KLHL25: variants seen among roughly 807,000 people sequenced by gnomAD.
KLHL25 encodes kelch like family member 25.
Under a neutral mutation model 30.0 loss-of-function variants are expected in KLHL25, and 41 were observed. The observed-to-expected ratio is 1.37, with a 90% CI of 1.07 to 1.78. The LOEUF (loss-of-function observed/expected upper bound fraction) is 1.78. KLHL25 is among the 40% of genes most tolerant of loss of function. The pLI, the probability that KLHL25 is intolerant of heterozygous loss-of-function variation, is 0.00. For synonymous variants in KLHL25, 399 were observed against 355.3 expected (o/e 1.12, Z -1.38); for missense variants, 971 against 824.5 (o/e 1.18, Z -2.18).
intron 2 of KLHL25, among the ~76,000 whole-genome samples, chr15:85,766,860 A>T (rs1208176353): frequency 3.3e-5 from 5 of 152,328 alleles, no homozygotes; most frequent in African/African-American, 1.2e-4. Flanking sequence ...TGGTGAGCAC[A>T]CAGCTGCCCC....
In KLHL25 at chr15:85,768,321, A is replaced by G. The variant is rs1225074802; in HGVS notation, c.1490T>C (p.Met497Thr). 1.9e-6 allele frequency: 3 copies of G among 1,613,758 alleles called. No individual in the cohort carries two copies. The highest frequency in any genetic ancestry group is 2.7e-5 in the African/African-American group (2 of 74,896). Residue 497 changes from methionine to threonine, a missense_variant, in exon 2 of 3, where the codon ATG becomes ACG. By Grantham distance (81) the Met-to-Thr change is moderately conservative (BLOSUM62 -1). Coordinates refer to ENST00000337975, the MANE Select transcript of KLHL25 (RefSeq NM_022480.4). Reference protein sequence around the residue: ...AAVLGSQIFIMGGDTEFTAAS... With the variant: ...AAVLGSQIFITGGDTEFTAAS... ...GGCTGTGAATTCCGTGTCACCTCCC[A>G]TGATGAAGATCTGGCTGCCCAGGAC...
At chr15:85,792,782 C>T (rs1030639427) in intron 1 of KLHL25, among the ~76,000 whole-genome samples, 2 of 152,224 alleles carry the variant, frequency 1.3e-5, no homozygotes, top group Admixed American at 1.3e-4. Flanking sequence ...CGATGACATG[C>T]CTTTCTCATC....
rs760686218 is a variant in KLHL25 at position 85,768,956 on chromosome 15, G to C, written c.855C>G (p.Ser285Arg). ...CCGCCTTGCGTGGCCGGGCACAGGG[G>C]CTGGTGACCACGCCATCATTCTGCA... ...RILQNDGVVT[S>R]PCARPRKAGH... is the part of the protein sequence containing the mutation. Residue 285 changes from serine (S) to arginine (R), a missense_variant, in exon 2 of 3, where the codon AGC becomes AGG. Coordinates refer to ENST00000337975, the MANE Select transcript of KLHL25 (RefSeq NM_022480.4). 1.2e-6 allele frequency: 2 copies of C among 1,613,216 alleles called. No individual in the cohort carries two copies. The highest frequency in any genetic ancestry group is 2.2e-5 in the South Asian group (2 of 91,086).
Position 85,768,302 on chromosome 15 carries a change from G to GA in KLHL25, c.1508dup (p.Thr504HisfsTer9). The GA allele has an allele frequency of 6.2e-7, 1 of 1,614,030 alleles. No individual in the cohort carries two copies. The highest frequency in any genetic ancestry group is 8.5e-7 in the Non-Finnish European group (1 of 1,180,042). ...CAAAGCGGTAGGCCGAGGCGGCTGT[G>GA]AATTCCGTGTCACCTCCCATGATGA... On this transcript the variant is annotated frameshift_variant, in exon 2 of 3. Transcript: ENST00000337975. LOFTEE classifies it high-confidence loss of function.
chr15:85,788,526 A>C (rs927434325), intron 1 of KLHL25, among the ~76,000 whole-genome samples: 1 of 152,104 alleles, frequency 6.6e-6, no homozygotes, highest in African/African-American at 2.4e-5. Context: ...TGGGGGAAAA[A>C]AATTCCCTGG....
chr15:85,765,660 A>G (rs1050537170), intron 2 of KLHL25, among the ~76,000 whole-genome samples: 18 of 150,374 alleles, frequency 1.2e-4, no homozygotes, highest in Middle Eastern at 3.4e-3. Context: ...AGAAGAAAAC[A>G]GAAAAGCTGT....
intron 1 of KLHL25, among the ~76,000 whole-genome samples, chr15:85,785,023 C>T (rs1416675826): frequency 3.3e-5 from 5 of 152,084 alleles, no homozygotes; most frequent in African/African-American, 4.8e-5. Flanking sequence ...CAGAAGACAA[C>T]TCACGCTTTC....
At chr15:85,775,286 T>C (rs1048160501) in intron 1 of KLHL25, among the ~76,000 whole-genome samples, 1 of 152,172 alleles carries the variant, frequency 6.6e-6, no homozygotes, top group Non-Finnish European at 1.5e-5. Flanking sequence ...TTGGGCTTTT[T>C]GACAGATGTG....
At chr15:85,772,123 G>A (rs1265787727) in intron 1 of KLHL25, among the ~76,000 whole-genome samples, 2 of 152,148 alleles carry the variant, frequency 1.3e-5, no homozygotes, top group African/African-American at 2.4e-5. Context: ...GTCCCCTCCT[G>A]CCCCACCCCA....
chr15:85,786,914 G>T lies in KLHL25; in HGVS notation c.-11+7852C>A, dbSNP rs112539985. 4.6e-5 allele frequency among the ~76,000 whole-genome samples: 7 copies of T among 152,180 alleles called. No individual in the cohort carries two copies. The East Asian group carries it at 5.8e-4, about 13-fold the overall frequency. Reference sequence around the variant, plus strand: ...CATGCAAAAAATACAGCAGCCTAGTGGGGGGCAGGGGCGGGCAGGGATTAA... The same window carrying T: ...CATGCAAAAAATACAGCAGCCTAGTTGGGGGCAGGGGCGGGCAGGGATTAA... On this transcript the variant is annotated intron_variant, in intron 1 of 2. Coordinates refer to ENST00000337975, the MANE Select transcript of KLHL25 (RefSeq NM_022480.4).
At chr15:85,782,443 T>G (rs2089749731) in intron 1 of KLHL25, among the ~76,000 whole-genome samples, 1 of 151,890 alleles carries the variant, frequency 6.6e-6, no homozygotes, top group Non-Finnish European at 1.5e-5. Flanking sequence ...ACATCCAAGC[T>G]GTGTTCAATC....
chr15:85,764,260 G>A (rs749292478), intron 2 of KLHL25: 1 of 152,564 alleles, frequency 6.6e-6, no homozygotes, highest in Middle Eastern at 3.4e-3. Flanking sequence ...GCAGAAGCTG[G>A]ACAGGAGGAG....
chr15:85,786,993 G>A (rs1424909911), intron 1 of KLHL25, among the ~76,000 whole-genome samples: 2 of 152,096 alleles, frequency 1.3e-5, no homozygotes, highest in Non-Finnish European at 2.9e-5. Flanking sequence ...CCAATAAGAG[G>A]CAGAACCAGC....
intron 1 of KLHL25, among the ~76,000 whole-genome samples, chr15:85,776,892 T>G (rs1251843965): frequency 1.3e-5 from 2 of 151,616 alleles, no homozygotes; most frequent in East Asian, 3.9e-4. Context: ...ACCATCGCAC[T>G]CCAGCCTGGG....
chr15:85,778,367 T>C (rs71397901), intron 1 of KLHL25, among the ~76,000 whole-genome samples: 4 of 152,094 alleles, frequency 2.6e-5, no homozygotes, highest in Non-Finnish European at 5.9e-5. Context: ...CTGTAAAAAA[T>C]TTACCGATAA....
chr15:85,792,127 T>C (rs748003215), intron 1 of KLHL25, among the ~76,000 whole-genome samples: 3 of 151,824 alleles, frequency 2.0e-5, no homozygotes, highest in Non-Finnish European at 4.4e-5. Flanking sequence ...AGGAAAGGGG[T>C]TGGAACCTAC....
rs1256330604 is a variant in KLHL25 at position 85,794,448 on chromosome 15, C to G, written c.-11+318G>C. On this transcript the variant is annotated intron_variant, in intron 1 of 2. Coordinates refer to ENST00000337975, the MANE Select transcript of KLHL25 (RefSeq NM_022480.4). ...TTTTAAAAAAAAGAGTCTGCGGACT[C>G]AATGAATCAACCACTCCCTGGGGAA... 4.6e-5 allele frequency among the ~76,000 whole-genome samples: 7 copies of G among 152,380 alleles called. No homozygotes were observed. The East Asian group carries it at 1.2e-3, about 25-fold the overall frequency.
rs143874205 is a variant in KLHL25, at chr15:85,768,085, T to C, written c.1726A>G (p.Ile576Val). 2.7e-4 allele frequency: 439 copies of C among 1,613,948 alleles called. No individual in the cohort carries two copies. The highest frequency in any genetic ancestry group is 3.4e-4 in the Non-Finnish European group (396 of 1,179,962). Residue 576 changes from isoleucine (I) to valine (V), a missense_variant, in exon 2 of 3, where the codon ATC (isoleucine) becomes GTC (valine). By Grantham distance (29) the Ile-to-Val change is conservative (BLOSUM62 3). Coordinates refer to ENST00000337975, the MANE Select transcript of KLHL25 (RefSeq NM_022480.4). ...NCITTVPYSL[I>V]PTAFVSTWKH... ...CAGGTGCTGACAAAGGCCGTGGGGA[T>C]AAGTGAGTAGGGCACTGTGGTGATG...
intron 1 of KLHL25, among the ~76,000 whole-genome samples, chr15:85,784,254 C>T (rs763417820): frequency 6.6e-6 from 1 of 152,208 alleles, no homozygotes; most frequent in Non-Finnish European, 1.5e-5. Context: ...GTTGGCTGGG[C>T]ACGGTGGCTC....
Sources: gnomAD v4.1 joint callset for allele counts (sites outside exome capture counted in the v4.1 genomes callset) on GRCh38, gnomAD v4.1.1 for gene constraint, MANE v1.5 for transcripts, NCBI Gene and HGNC (gene_info 2026-07-23, HGNC 2026-07-21) for gene names.